The following KATNAL2 variants were observed in gnomAD, a reference collection of about 807,000 sequenced individuals.
KATNAL2 encodes katanin catalytic subunit A1 like 2.
Under a neutral mutation model 76.3 loss-of-function variants are expected in KATNAL2, and 52 were observed. The ratio of observed to expected loss-of-function variants is 0.68; its 90% CI spans 0.55 to 0.86. The LOEUF is 0.86. Ranked by LOEUF, KATNAL2 falls within the 40% of genes least tolerant of loss-of-function variation. The pLI, the probability that KATNAL2 is intolerant of heterozygous loss-of-function variation, is 0.00. For synonymous variants in KATNAL2, 243 were observed against 244.2 expected (o/e 1.00, Z 0.05); for missense variants, 660 against 668.9 (o/e 0.99, Z 0.15).
At chr18:47,052,252 T>A (rs964295531) in intron 4 of KATNAL2, among the ~76,000 whole-genome samples, 2 of 152,198 alleles carry the variant, frequency 1.3e-5, no homozygotes, top group Non-Finnish European at 1.5e-5. Flanking sequence ...GGAACAAAGA[T>A]CAAGGTACTA....
rs774874355 is a variant in KATNAL2 at position 47,100,993 on chromosome 18, C to T, written c.1605C>T (p.Phe535=). 5.0e-6 allele frequency: 8 copies of T among 1,613,836 alleles called. No individual in the cohort carries two copies. The highest frequency in any genetic ancestry group is 2.2e-5 in the South Asian group (2 of 91,064). The change falls in exon 18 of 18, where the codon TTC becomes TTT. Residue 535 remains phenylalanine, a synonymous_variant. Transcript: ENST00000683218. ...AQRYSDWQRE[F]ESV is the part of the protein sequence containing the mutation. ...GATACTCAGACTGGCAAAGAGAGTT[C>T]GAGTCTGTCTGAAACCACATTTACC...
intron 2 of KATNAL2, 121 bp downstream of exon 2, chr18:46,946,667 G>A: frequency 9.1e-7 from 1 of 1,102,210 alleles, no homozygotes; most frequent in Non-Finnish European, 1.2e-6. Context: ...CCAGTGTCAT[G>A]CAAACACTCT....
intron 15 of KATNAL2, among the ~76,000 whole-genome samples, chr18:47,095,873 A>G (rs1349834023): frequency 1.3e-5 from 2 of 152,200 alleles, no homozygotes; most frequent in African/African-American, 4.8e-5. Flanking sequence ...TTGGAGTGCT[A>G]GGCAAAGTTC....
At chr18:46,954,722 C>A (rs2059673193) in intron 3 of KATNAL2, among the ~76,000 whole-genome samples, 2 of 152,216 alleles carry the variant, frequency 1.3e-5, no homozygotes, top group Admixed American at 1.3e-4. Flanking sequence ...CAGCTCACTG[C>A]AACCTCTGCC....
At chr18:47,051,004 C>T (rs2061324976) in intron 4 of KATNAL2, among the ~76,000 whole-genome samples, 1 of 152,156 alleles carries the variant, frequency 6.6e-6, no homozygotes, top group Admixed American at 6.5e-5. Flanking sequence ...GATGCTGGTT[C>T]TTCTATTAAT....
intron 1 of KATNAL2, among the ~76,000 whole-genome samples, chr18:46,926,923 T>G (rs2058745375): frequency 6.6e-6 from 1 of 152,186 alleles, no homozygotes; most frequent in Admixed American, 6.6e-5. Flanking sequence ...TCTTTTTCTG[T>G]TTTCCATTTG....
At chr18:46,952,366 G>A (rs958104616) in intron 3 of KATNAL2, among the ~76,000 whole-genome samples, 2 of 147,278 alleles carry the variant, frequency 1.4e-5, no homozygotes, top group African/African-American at 2.5e-5. Flanking sequence ...TTATAGGCAT[G>A]AGCCATTGCA....
In KATNAL2 at chr18:47,039,880, T is replaced by C. The variant is rs572870277; in HGVS notation, c.52-6577T>C. Among the ~76,000 whole-genome samples the C allele has an allele frequency of 1.3e-4, 20 of 152,358 alleles. No individual in the cohort carries two copies. The South Asian group carries it at 3.9e-3, about 30-fold the overall frequency. ...AAAGCACTTTCCAGGCTTTATTTCATGTGATGTACAGGACACTGTGTTAGA... is the reference window on the plus strand; with the variant it reads ...AAAGCACTTTCCAGGCTTTATTTCACGTGATGTACAGGACACTGTGTTAGA... On this transcript the variant is annotated intron_variant, in intron 3 of 17. Coordinates refer to ENST00000683218, the MANE Select transcript of KATNAL2 (RefSeq NM_001387690.1).
intron 3 of KATNAL2, among the ~76,000 whole-genome samples, chr18:46,962,295 C>T (rs1456463300): frequency 7.8e-6 from 1 of 127,968 alleles, no homozygotes; most frequent in African/African-American, 3.4e-5. Context: ...GGATCATGCC[C>T]GGCCTTTTCC....
At chr18:47,033,360 G>T in intron 3 of KATNAL2, 1 of 1,614,120 alleles carries the variant, frequency 6.2e-7, no homozygotes. Flanking sequence ...CCTCTCTGCC[G>T]TTGGGGTTGT....
At chr18:46,938,594 T>G (rs1374405010) in intron 1 of KATNAL2, among the ~76,000 whole-genome samples, 2 of 152,202 alleles carry the variant, frequency 1.3e-5, no homozygotes, top group Non-Finnish European at 2.9e-5. Context: ...ACTGCCACCA[T>G]TTGACCTGGA....
intron 15 of KATNAL2, among the ~76,000 whole-genome samples, chr18:47,088,692 C>T (rs1427676461): frequency 2.6e-5 from 4 of 152,164 alleles, no homozygotes; most frequent in Non-Finnish European, 4.4e-5. Context: ...GATCCTCCCA[C>T]CTCAGGGACC....
intron 3 of KATNAL2, chr18:47,034,481 T>C: frequency 1.2e-6 from 2 of 1,614,086 alleles, no homozygotes; most frequent in Non-Finnish European, 1.7e-6. Flanking sequence ...ATCCTTGGGG[T>C]TTCCTCTCTT....
At chr18:47,043,226 CAAAAAAA>C (rs1195140135) in intron 3 of KATNAL2, among the ~76,000 whole-genome samples, 5 of 41,682 alleles carry the variant, frequency 1.2e-4, no homozygotes, top group South Asian at 8.3e-4. Context: ...GACTCCGTTT[CAAAAAAA>C]AAAAAAAAAA....
At chr18:46,926,370 T>C (rs898259506) in intron 1 of KATNAL2, among the ~76,000 whole-genome samples, 3 of 152,220 alleles carry the variant, frequency 2.0e-5, no homozygotes, top group Non-Finnish European at 4.4e-5. Context: ...AGCAGGTTGT[T>C]CAGTTTCCTT....
At chr18:47,040,014 C>T (rs1398706694) in intron 3 of KATNAL2, among the ~76,000 whole-genome samples, 1 of 152,200 alleles carries the variant, frequency 6.6e-6, no homozygotes, top group African/African-American at 2.4e-5. Flanking sequence ...AGCCAATTCC[C>T]ATCTTTGCTT....
chr18:47,032,522 C>G (rs1427318195), intron 3 of KATNAL2: 1 of 195,622 alleles, frequency 5.1e-6, no homozygotes, highest in East Asian at 1.5e-4. Flanking sequence ...GAGGATGGCT[C>G]ACGATTACAA....
intron 1 of KATNAL2, among the ~76,000 whole-genome samples, chr18:46,945,850 A>C (rs2059370212): frequency 1.3e-5 from 2 of 152,212 alleles, no homozygotes; most frequent in Non-Finnish European, 2.9e-5. Context: ...AAGAATATTA[A>C]ATAATCTGTA....
At chr18:47,037,003 A>G (rs2060801257) in intron 3 of KATNAL2, among the ~76,000 whole-genome samples, 1 of 152,266 alleles carries the variant, frequency 6.6e-6, no homozygotes, top group South Asian at 2.1e-4. Flanking sequence ...GGGGAATATT[A>G]GATGCAGGGA....
Sources: allele counts gnomAD v4.1 joint callset (sites outside exome capture counted in the v4.1 genomes callset), GRCh38; gene constraint gnomAD v4.1.1; transcripts MANE v1.5; gene names NCBI Gene and HGNC (gene_info 2026-07-23, HGNC 2026-07-21).